FGF1: variants seen among roughly 807,000 people sequenced by gnomAD.
The protein encoded by FGF1 is fibroblast growth factor 1.
FGF1 carries 9 observed loss-of-function variants against 13.4 expected under a neutral mutation model. The ratio of observed to expected loss-of-function variants is 0.67; its 90% CI spans 0.40 to 1.17. The LOEUF is 1.17. Ranked by LOEUF, FGF1 falls within the 50% of genes most tolerant of loss-of-function variation. The pLI is 0.01. For missense variants in FGF1, 156 were observed against 192.7 expected (o/e 0.81, Z 1.13); for synonymous variants, 93 against 79.0 (o/e 1.18, Z -0.94).
At chr5:142,667,517 C>T (rs1337396426) in intron 1 of FGF1, among the ~76,000 whole-genome samples, 4 of 144,488 alleles carry the variant, frequency 2.8e-5, no homozygotes, top group East Asian at 2.1e-4. Flanking sequence ...ACCTGGGAGG[C>T]GGAGCTTGCA....
chr5:142,601,255 G>C (rs34009), intron 2 of FGF1: 47 of 401,690 alleles, frequency 1.2e-4, no homozygotes, highest in African/African-American at 6.4e-4. Flanking sequence ...CTGCACAGGG[G>C]TGCCTTTTAA....
At chr5:142,621,528 C>G (rs1049600657) in intron 1 of FGF1, among the ~76,000 whole-genome samples, 5 of 152,144 alleles carry the variant, frequency 3.3e-5, no homozygotes, top group Non-Finnish European at 1.5e-5. Context: ...AACCTCCCTA[C>G]TCTTTCTTAA....
rs569628873 is a variant in FGF1, at chr5:142,600,018, C to T, written c.273+684G>A. 7.9e-5 allele frequency among the ~76,000 whole-genome samples: 12 copies of T among 152,320 alleles called. No individual in the cohort carries two copies. In the South Asian group the frequency reaches 2.5e-3, roughly 32 times the overall value. ...GACATATAAACTATGAAAGCCCAGG[C>T]TCTGCCATTTGTGTAAAAAGCAATA... On this transcript the variant is annotated intron_variant, in intron 3 of 3. Transcript: ENST00000337706.
intron 2 of FGF1, among the ~76,000 whole-genome samples, chr5:142,695,628 C>T (rs995028028): frequency 6.7e-6 from 1 of 150,214 alleles, no homozygotes; most frequent in African/African-American, 2.5e-5. Flanking sequence ...GAATTAACGA[C>T]CCCAAGTAAT....
chr5:142,612,174 C>T (rs1192964928), intron 2 of FGF1, among the ~76,000 whole-genome samples: 3 of 152,216 alleles, frequency 2.0e-5, no homozygotes, highest in Non-Finnish European at 4.4e-5. Context: ...TCTAGGGGCT[C>T]CTGACATCTT....
At chr5:142,609,246 G>T (rs1044734453) in intron 2 of FGF1, among the ~76,000 whole-genome samples, 4 of 152,168 alleles carry the variant, frequency 2.6e-5, no homozygotes, top group African/African-American at 9.6e-5. Context: ...TGATTGGCAC[G>T]CACTTTGCTT....
intron 2 of FGF1, among the ~76,000 whole-genome samples, chr5:142,695,930 G>A (rs1273562762): frequency 6.6e-6 from 1 of 152,210 alleles, no homozygotes; most frequent in Non-Finnish European, 1.5e-5. Context: ...TCAGAGGGGA[G>A]ACAGCACCAA....
intron 1 of FGF1, among the ~76,000 whole-genome samples, chr5:142,646,033 C>G (rs1282453007): frequency 6.6e-6 from 1 of 152,174 alleles, no homozygotes; most frequent in East Asian, 1.9e-4. Flanking sequence ...CTCAGCTTCC[C>G]AAGTAGCTGG....
chr5:142,648,793 C>A (rs1035157775), intron 1 of FGF1, among the ~76,000 whole-genome samples: 6 of 150,524 alleles, frequency 4.0e-5, no homozygotes, highest in Admixed American at 2.6e-4. Flanking sequence ...GGAGAATAAG[C>A]CTGCAGGGAA....
intron 2 of FGF1, among the ~76,000 whole-genome samples, chr5:142,611,640 G>T (rs17099096): frequency 0.097 from 14,697 of 152,196 alleles, 1,116 homozygotes; most frequent in African/African-American, 0.21. Context: ...TCCAGTTCCA[G>T]TACTGACAGG....
intron 1 of FGF1, chr5:142,626,952 G>A (rs1424168504): frequency 6.6e-6 from 1 of 152,202 alleles, no homozygotes; most frequent in African/African-American, 2.4e-5. Context: ...TAACCTTTCT[G>A]GTCCCCAGTT....
intron 1 of FGF1, among the ~76,000 whole-genome samples, chr5:142,623,637 C>G (rs768725036): frequency 1.2e-4 from 18 of 152,156 alleles, no homozygotes; most frequent in Admixed American, 5.9e-4. Flanking sequence ...GCATGAGCCA[C>G]AGTGCCTGGC....
intron 2 of FGF1, among the ~76,000 whole-genome samples, chr5:142,607,447 T>A (rs138909083): frequency 8.7e-4 from 133 of 152,332 alleles, no homozygotes; most frequent in African/African-American, 3.2e-3. Flanking sequence ...ACAAGATACG[T>A]CCATGGTCTG....
chr5:142,690,290 G>C (rs1383762326), upstream of FGF1, among the ~76,000 whole-genome samples: 1 of 152,100 alleles, frequency 6.6e-6, no homozygotes, highest in Non-Finnish European at 1.5e-5. Context: ...AGTGAGCCGA[G>C]ATCGCGCCAC....
At position 142,605,983 on chromosome 5, in the gene FGF1, G is replaced by A. The variant is rs779255288; in HGVS notation, c.170-5178C>T. 3.9e-5 allele frequency among the ~76,000 whole-genome samples: 6 copies of A among 152,034 alleles called. No homozygotes were observed. In the East Asian group the frequency reaches 9.7e-4, roughly 25 times the overall value. ...GCCACACAGCAGCAGCTTTTTCCTCGGGTAGCAGCTCAGGGTTGGGGGACA... is the reference window on the plus strand; with the variant it reads ...GCCACACAGCAGCAGCTTTTTCCTCAGGTAGCAGCTCAGGGTTGGGGGACA... On this transcript the variant is annotated intron_variant, in intron 2 of 3. Coordinates refer to ENST00000337706, the MANE Select transcript of FGF1 (RefSeq NM_000800.5).
chr5:142,616,921 T>A (rs551094162), intron 1 of FGF1, among the ~76,000 whole-genome samples: 1 of 152,312 alleles, frequency 6.6e-6, no homozygotes, highest in South Asian at 2.1e-4. Flanking sequence ...CAGGAGACAA[T>A]AATTATATAC....
intron 1 of FGF1, among the ~76,000 whole-genome samples, chr5:142,666,607 T>A (rs115048543): frequency 6.6e-6 from 1 of 152,166 alleles, no homozygotes; most frequent in African/African-American, 2.4e-5. Flanking sequence ...GATGTCTACA[T>A]TATAACAAGA....
chr5:142,655,192 C>T (rs1055766092), intron 1 of FGF1, among the ~76,000 whole-genome samples: 1 of 152,200 alleles, frequency 6.6e-6, no homozygotes, highest in Non-Finnish European at 1.5e-5. Context: ...GATAGATTAA[C>T]TGGGAATTTG....
chr5:142,640,303 G>C (rs2151948185), intron 1 of FGF1, among the ~76,000 whole-genome samples: 1 of 151,756 alleles, frequency 6.6e-6, no homozygotes, highest in South Asian at 2.1e-4. Context: ...TATAGGGGGA[G>C]GTATTAAATT....
Sources: allele counts gnomAD v4.1 joint callset (sites outside exome capture counted in the v4.1 genomes callset), GRCh38; gene constraint gnomAD v4.1.1; transcripts MANE v1.5; gene names NCBI Gene and HGNC (gene_info 2026-07-23, HGNC 2026-07-21).